The following FOXP1 variants were observed in gnomAD, a reference collection of about 807,000 sequenced individuals.
The protein encoded by FOXP1 is forkhead box protein P1.
A neutral mutation model predicts 98.2 loss-of-function variants in FOXP1; 15 were observed. The ratio of observed to expected loss-of-function variants is 0.15; its 90% CI spans 0.10 to 0.24. The LOEUF (loss-of-function observed/expected upper bound fraction) is 0.24. Among genes scored for constraint, FOXP1 ranks in the 10% least tolerant of loss-of-function variants. FOXP1 has a pLI of 1.00. For missense variants in FOXP1, 633 were observed against 848.5 expected (o/e 0.75, Z 3.15); for synonymous variants, 371 against 314.5 (o/e 1.18, Z -1.90).
intron 6 of FOXP1, among the ~76,000 whole-genome samples, chr3:71,194,890 A>T (rs1192184426): frequency 6.6e-6 from 1 of 152,182 alleles, no homozygotes; most frequent in African/African-American, 2.4e-5. Flanking sequence ...ACAGTTTGTG[A>T]GTGTGTTGGC....
intron 19 of FOXP1, among the ~76,000 whole-genome samples, chr3:70,967,768 TGA>T (rs2035266794): frequency 6.9e-6 from 1 of 145,760 alleles, no homozygotes; most frequent in African/African-American, 2.5e-5. Context: ...TGCTTTTATC[TGA>T]GAGAGGTGTG....
intron 6 of FOXP1, among the ~76,000 whole-genome samples, chr3:71,125,985 T>C (rs991441526): frequency 1.3e-5 from 2 of 152,152 alleles, no homozygotes; most frequent in African/African-American, 4.8e-5. Context: ...TATGTCAAAT[T>C]GATACATGTA....
chr3:71,305,244 T>C (rs972462704), intron 4 of FOXP1, among the ~76,000 whole-genome samples: 4 of 152,156 alleles, frequency 2.6e-5, no homozygotes, highest in African/African-American at 9.7e-5. Flanking sequence ...TTAAAATTCC[T>C]AGAGCAAACA....
At chr3:71,100,051 T>C (rs746078575) in intron 7 of FOXP1, among the ~76,000 whole-genome samples, 6 of 152,186 alleles carry the variant, frequency 3.9e-5, no homozygotes, top group Admixed American at 2.6e-4. Flanking sequence ...ACCTCTCCAC[T>C]CTGACATGGA....
chr3:71,329,238 T>C (rs1166226160), intron 4 of FOXP1, among the ~76,000 whole-genome samples: 3 of 151,734 alleles, frequency 2.0e-5, no homozygotes, highest in Admixed American at 1.3e-4. Flanking sequence ...TTTCTTTTTT[T>C]TGAGAGGGAG....
chr3:71,006,880 A>C (rs1158638973), intron 12 of FOXP1, among the ~76,000 whole-genome samples: 1 of 152,200 alleles, frequency 6.6e-6, no homozygotes, highest in East Asian at 1.9e-4. Flanking sequence ...TTTCTAACTA[A>C]AATCTGTTTG....
At chr3:71,201,525 T>C (rs563585149) in intron 5 of FOXP1, among the ~76,000 whole-genome samples, 321 of 152,062 alleles carry the variant, frequency 2.1e-3, no homozygotes, top group African/African-American at 7.4e-3. Context: ...CACATGCCTG[T>C]AATCCCAGCT....
At chr3:71,076,482 G>C (rs189625471) in intron 7 of FOXP1, among the ~76,000 whole-genome samples, 5 of 152,154 alleles carry the variant, frequency 3.3e-5, no homozygotes, top group African/African-American at 1.2e-4. Flanking sequence ...ATGCTCTGCC[G>C]TAGGGAGATG....
At chr3:71,198,732 G>C (rs1428155250) in intron 5 of FOXP1, among the ~76,000 whole-genome samples, 1 of 151,072 alleles carries the variant, frequency 6.6e-6, no homozygotes, top group Non-Finnish European at 1.5e-5. Context: ...CGGCTCAGTC[G>C]CCCAGGCTGG....
chr3:71,452,155 T>C (rs144181273), intron 3 of FOXP1, among the ~76,000 whole-genome samples: 148 of 152,248 alleles, frequency 9.7e-4, no homozygotes, highest in African/African-American at 3.3e-3. Flanking sequence ...AAAAGGTGAA[T>C]GTATATCCAT....
At chr3:71,274,449 C>G (rs746680515) in intron 5 of FOXP1, among the ~76,000 whole-genome samples, 2 of 152,068 alleles carry the variant, frequency 1.3e-5, no homozygotes, top group Non-Finnish European at 2.9e-5. Flanking sequence ...GAGCTCGTCA[C>G]CACCAGGAAA....
At chr3:71,473,419 A>G (rs1414946467) in intron 3 of FOXP1, among the ~76,000 whole-genome samples, 1 of 152,138 alleles carries the variant, frequency 6.6e-6, no homozygotes, top group Non-Finnish European at 1.5e-5. Flanking sequence ...AATTTCCAAC[A>G]TTAGATCTTA....
At chr3:71,550,763 T>TA (rs1553915258) in intron 2 of FOXP1, among the ~76,000 whole-genome samples, 5 of 152,130 alleles carry the variant, frequency 3.3e-5, no homozygotes, top group Admixed American at 6.5e-5. Flanking sequence ...TATATTCGGG[T>TA]AAAAAAAGAG....
intron 19 of FOXP1, chr3:70,969,535 C>T (rs2107126127): frequency 6.6e-6 from 1 of 152,184 alleles, no homozygotes; most frequent in South Asian, 2.1e-4. Flanking sequence ...GTTTAATGTC[C>T]ATAAATATCT....
intron 5 of FOXP1, among the ~76,000 whole-genome samples, chr3:71,274,906 C>T (rs2070741280): frequency 6.6e-6 from 1 of 152,190 alleles, no homozygotes; most frequent in African/African-American, 2.4e-5. Flanking sequence ...TAGGTAGTAA[C>T]ACTTTGCTCT....
intron 6 of FOXP1, among the ~76,000 whole-genome samples, chr3:71,146,137 T>C (rs2060296916): frequency 6.6e-6 from 1 of 152,160 alleles, no homozygotes; most frequent in Non-Finnish European, 1.5e-5. Flanking sequence ...CAGGGAAGAC[T>C]GGGAGAAGCA....
intron 6 of FOXP1, among the ~76,000 whole-genome samples, chr3:71,162,258 C>A (rs1467975819): frequency 6.6e-6 from 1 of 152,160 alleles, no homozygotes; most frequent in Non-Finnish European, 1.5e-5. Flanking sequence ...AGAGCTGAAA[C>A]CATATACTAA....
intron 7 of FOXP1, among the ~76,000 whole-genome samples, chr3:71,084,702 G>C (rs959122571): frequency 1.1e-4 from 17 of 152,138 alleles, no homozygotes; most frequent in Admixed American, 1.1e-3. Context: ...ATTTTTCAAA[G>C]TCTTTGCTTT....
At chr3:70,962,408 A>G (rs187980297) in intron 20 of FOXP1, among the ~76,000 whole-genome samples, 1 of 152,302 alleles carries the variant, frequency 6.6e-6, no homozygotes, top group Admixed American at 6.5e-5. Flanking sequence ...TATGGTTCCT[A>G]TGATTTATTG....
Sources: allele counts gnomAD v4.1 joint callset (sites outside exome capture counted in the v4.1 genomes callset), GRCh38; gene constraint gnomAD v4.1.1; transcripts MANE v1.5; gene names NCBI Gene and HGNC (gene_info 2026-07-23, HGNC 2026-07-21).